Variants in PIAS1 observed in about 807,000 individuals in gnomAD.
The protein encoded by PIAS1 is E3 SUMO-protein ligase PIAS1.
A neutral mutation model predicts 71.3 loss-of-function variants in PIAS1; 6 were observed. The ratio of observed to expected loss-of-function variants is 0.08; its 90% confidence interval spans 0.05 to 0.17. PIAS1 has a LOEUF of 0.17. PIAS1 is among the 10% of genes least tolerant of loss of function. The pLI, the probability that PIAS1 is intolerant of heterozygous loss-of-function variation, is 1.00. For synonymous variants in PIAS1, 303 were observed against 292.9 expected, an observed-to-expected ratio of 1.03 and a Z score of -0.35; for missense variants, 555 against 793.6, an observed-to-expected ratio of 0.70 and a Z score of 3.61.
At chr15:68,066,753 G>A (rs989784388) in intron 1 of PIAS1, among the ~76,000 whole-genome samples, 3 of 152,056 alleles carry the variant, frequency 2.0e-5, no homozygotes, top group African/African-American at 4.8e-5. Flanking sequence ...ATTCTAATAT[G>A]TGATTTCAAA....
rs2092809970 is a variant in PIAS1 at position 68,146,607 on chromosome 15, A to C, written c.735A>C (p.Arg245=). 1 of 1,613,142 alleles carries C rather than the reference A, an allele frequency of 6.2e-7. No homozygotes were observed. Among genetic ancestry groups the C allele is most frequent in the Admixed American group, 1.7e-5 (1 of 59,990 alleles). The change falls in exon 6 of 14, where the codon CGA becomes CGC. Residue 245 remains arginine (R), a synonymous_variant. Transcript: ENST00000249636. ...PPTKNGVEPK[R]PSRPINITSL... ...CAAAAAATGGCGTGGAACCAAAGCG[A>C]CCCAGCCGACCAATTAATATCACCT...
chr15:68,091,936 T>A lies in PIAS1; in HGVS notation c.469+5186T>A, dbSNP rs544666069. On this transcript the variant is annotated intron_variant, in intron 2 of 13. Transcript: ENST00000249636. ...AATACCTATTGTTTTCTTACCACCA[T>A]GAAGTTGGAAAATTGTTAAGTCGAG... 2.6e-5 allele frequency among the ~76,000 whole-genome samples: 4 copies of A among 152,354 alleles called. No individual in the cohort carries two copies. The East Asian group carries it at 5.8e-4, about 22-fold the overall frequency.
At chr15:68,093,821 C>T (rs2092352583) in intron 2 of PIAS1, among the ~76,000 whole-genome samples, 1 of 151,828 alleles carries the variant, frequency 6.6e-6, no homozygotes, top group African/African-American at 2.4e-5. Flanking sequence ...GTCATTTTTT[C>T]TTGTCTGTTT....
intron 2 of PIAS1, among the ~76,000 whole-genome samples, chr15:68,113,912 A>G (rs1236560380): frequency 1.3e-5 from 2 of 152,084 alleles, no homozygotes; most frequent in East Asian, 3.8e-4. Flanking sequence ...GTTGTACTCC[A>G]AAGAACTTTA....
At position 68,185,067 on chromosome 15, in the gene PIAS1, C is replaced by T. The variant is rs1420097903; in HGVS notation, c.1662+1400C>T. ...ATGATTTTTGTTGATAATGCTCCCA[C>T]ACATCCTCATTTCATTGGTGATCTT... On this transcript the variant is annotated intron_variant, in intron 13 of 13. Coordinates refer to ENST00000249636, the MANE Select transcript of PIAS1 (RefSeq NM_016166.3). The surrounding 1 kb of genome is among the most constrained non-coding windows in gnomAD (Gnocchi z 4.4). 2 of 152,676 alleles carry T rather than the reference C, an allele frequency of 1.3e-5. No individual in the cohort carries two copies. Among genetic ancestry groups the T allele is most frequent in the East Asian group, 1.9e-4 (1 of 5,196 alleles). 9.5% of individuals were successfully genotyped at this position (152,676 alleles called of 1,614,324 possible).
rs1160090743 is a variant in PIAS1 at position 68,178,137 on chromosome 15, C to T, written c.1481+1483C>T. On this transcript the variant is annotated intron_variant, in intron 11 of 13. Transcript: ENST00000249636. This position sits in a 1 kb window ranked among gnomAD's most constrained non-coding sequence, Gnocchi z 4.2. ...ACCAAAAAATTAGCTGGGTATGGCA[C>T]TGTGTGCCTGTTGTCCCAACTACTC... 6.6e-6 allele frequency among the ~76,000 whole-genome samples: 1 copy of T among 152,174 alleles called. No homozygotes were observed. Among genetic ancestry groups the T allele is most frequent in the Non-Finnish European group, 1.5e-5 (1 of 68,036 alleles).
At position 68,188,889 on chromosome 15, in the gene PIAS1, A is replaced by C. The variant is rs1288909368; in HGVS notation, c.*1054A>C. The stretch of plus-strand genomic sequence containing the variant: ...GTGCAGCTGACAGAGGTAATGTTAC[A>C]TCACCTAAAAAAGAAAGATACACGG... On this transcript the variant is annotated 3_prime_UTR_variant, in exon 14 of 14. Coordinates refer to ENST00000249636, the MANE Select transcript of PIAS1 (RefSeq NM_016166.3). 6.6e-6 allele frequency: 1 copy of C among 152,238 alleles called. No homozygotes were observed. Among genetic ancestry groups the C allele is most frequent in the African/African-American group, 2.4e-5 (1 of 41,460 alleles). 9.4% of individuals were successfully genotyped at this position (152,238 alleles called of 1,614,324 possible). A position where few individuals can be genotyped will look rare whatever the true frequency, so the allele number is the denominator to read the frequency against.
At chr15:68,183,121 C>T (rs1319554798) in intron 12 of PIAS1, among the ~76,000 whole-genome samples, 1 of 152,162 alleles carries the variant, frequency 6.6e-6, no homozygotes, top group Non-Finnish European at 1.5e-5. Flanking sequence ...ACCTCTTCTC[C>T]CCTCATGCCA....
At chr15:68,084,398 T>C (rs1373375650) in intron 1 of PIAS1, among the ~76,000 whole-genome samples, 3 of 152,166 alleles carry the variant, frequency 2.0e-5, no homozygotes, top group Admixed American at 2.0e-4. Flanking sequence ...TTTTAAATAA[T>C]AAAAGTCTTT....
At position 68,187,643 on chromosome 15, in the gene PIAS1, G is replaced by A. The variant is rs1238104551; in HGVS notation, c.1764G>A (p.Met588Ile). 12 of 1,613,806 alleles carry A rather than the reference G, an allele frequency of 7.4e-6. No homozygotes were observed. The highest frequency in any genetic ancestry group is 1.7e-5 in the Admixed American group (1 of 60,002). The change falls in exon 14 of 14, where the codon ATG becomes ATA. Residue 588 changes from methionine (M) to isoleucine (I), a missense_variant. Met to Ile is a conservative substitution (Grantham distance 10, BLOSUM62 1). Around this residue, in one of 5 missense-constraint regions of PIAS1, gnomAD observed 244 missense variants for 307.5 expected, o/e 0.79. Coordinates refer to ENST00000249636, the MANE Select transcript of PIAS1 (RefSeq NM_016166.3). The surrounding 1 kb of genome is among the most constrained non-coding windows in gnomAD (Gnocchi z 5.3). ...SRFFPYTSSQ[M>I]FLDQLSAGGS... ...TTTTCCCGTATACCTCCTCACAGAT[G>A]TTTCTTGATCAGTTAAGTGCAGGAG...
chr15:68,140,862 C>A (rs921151217), intron 2 of PIAS1, among the ~76,000 whole-genome samples: 1 of 152,046 alleles, frequency 6.6e-6, no homozygotes, highest in Non-Finnish European at 1.5e-5. Flanking sequence ...TCATTTTCTT[C>A]TAGAAAATTA....
In PIAS1 at chr15:68,167,608, C is replaced by G. The variant is rs572789749; in HGVS notation, c.1008+2804C>G. 1.3e-5 allele frequency among the ~76,000 whole-genome samples: 2 copies of G among 152,112 alleles called. No homozygotes were observed. The highest frequency in any genetic ancestry group is 2.1e-4 in the South Asian group (1 of 4,820). ...AAAAGCTGCTTTGTAAACCCAAATA[C>G]AAATAACGTGGAATTGATAGAAGAA... On this transcript the variant is annotated intron_variant, in intron 8 of 13. Coordinates refer to ENST00000249636, the MANE Select transcript of PIAS1 (RefSeq NM_016166.3). This position sits in a 1 kb window ranked among gnomAD's most constrained non-coding sequence, Gnocchi z 4.4.
intron 1 of PIAS1, among the ~76,000 whole-genome samples, chr15:68,060,544 C>T (rs1164511079): frequency 1.3e-5 from 2 of 151,800 alleles, no homozygotes; most frequent in African/African-American, 2.4e-5. Context: ...ACCTGGGAGG[C>T]GGAGGTTACA....
At chr15:68,149,008 G>C (rs1053254372) in intron 6 of PIAS1, among the ~76,000 whole-genome samples, 1 of 152,046 alleles carries the variant, frequency 6.6e-6, no homozygotes, top group African/African-American at 2.4e-5. Flanking sequence ...GTTTCTGGGT[G>C]GGGGGCTAGG....
intron 2 of PIAS1, among the ~76,000 whole-genome samples, chr15:68,098,366 A>C (rs936159224): frequency 6.6e-6 from 1 of 152,200 alleles, no homozygotes; most frequent in African/African-American, 2.4e-5. Context: ...ATCATTATAA[A>C]GGTTTTCATA....
chr15:68,182,469 T>C (rs1403593117), intron 12 of PIAS1, among the ~76,000 whole-genome samples: 1 of 119,872 alleles, frequency 8.3e-6, no homozygotes, highest in Non-Finnish European at 1.8e-5. Context: ...TGTCGGAGTT[T>C]TGCTCTTATT....
chr15:68,090,927 G>GGTGTGTGTTT (rs2092327208), intron 2 of PIAS1, among the ~76,000 whole-genome samples: 1 of 142,762 alleles, frequency 7.0e-6, no homozygotes, highest in Non-Finnish European at 1.5e-5. Context: ...GTCATTTACG[G>GGTGTGTGTTT]GTGTGTGTGT....
intron 2 of PIAS1, among the ~76,000 whole-genome samples, chr15:68,107,684 TATAA>T (rs2092483865): frequency 1.3e-5 from 2 of 152,062 alleles, no homozygotes; most frequent in South Asian, 4.1e-4. Context: ...TAAGAGCAAT[TATAA>T]AACTAATAAT....
At chr15:68,072,925 C>T (rs1408558436) in intron 1 of PIAS1, among the ~76,000 whole-genome samples, 4 of 152,144 alleles carry the variant, frequency 2.6e-5, no homozygotes, top group Admixed American at 2.6e-4. Context: ...ATTGTTTGAA[C>T]ACTAGTTGCT....
Sources: gnomAD v4.1 joint callset for allele counts (sites outside exome capture counted in the v4.1 genomes callset) on GRCh38, gnomAD v4.1.1 for gene constraint, gnomAD v4.1.1 regional missense constraint, Gnocchi (gnomAD v3.1) non-coding constraint, MANE v1.5 for transcripts, NCBI Gene and HGNC (gene_info 2026-07-23, HGNC 2026-07-21) for gene names.